The following ITPR2 variants were observed in gnomAD, a reference collection of about 807,000 sequenced individuals.
The protein encoded by ITPR2 is inositol 1,4,5-trisphosphate receptor type 2, also known as inositol 1,4,5-trisphosphate-gated calcium channel ITPR2.
In ITPR2, 207 loss-of-function variants were observed where a neutral mutation model predicts 317.1. The ratio of observed to expected loss-of-function variants is 0.65; its 90% CI spans 0.58 to 0.73. ITPR2 has a LOEUF of 0.73. Among genes scored for constraint, ITPR2 ranks in the 30% least tolerant of loss-of-function variants. The pLI is 0.00. For missense variants in ITPR2, 2,613 were observed against 3,284.0 expected (o/e 0.80, Z 4.99); for synonymous variants, 1,156 against 1,149.1 (o/e 1.01, Z -0.12).
chr12:26,735,198 C>A (rs1949098494), intron 2 of ITPR2, among the ~76,000 whole-genome samples: 1 of 152,088 alleles, frequency 6.6e-6, no homozygotes, highest in Non-Finnish European at 1.5e-5. Flanking sequence ...AACGGGGTTT[C>A]ACCATGTTAG....
chr12:26,411,661 A>G (rs1250779012), intron 51 of ITPR2, among the ~76,000 whole-genome samples: 2 of 152,214 alleles, frequency 1.3e-5, no homozygotes, highest in Non-Finnish European at 2.9e-5. Context: ...TGGTTGAGAT[A>G]AAGTATTAAT....
chr12:26,832,585 G>T, intron 1 of ITPR2, 105 bp downstream of exon 1: 1 of 799,348 alleles, frequency 1.3e-6, no homozygotes, highest in Non-Finnish European at 1.9e-6. Context: ...TGCCCGGCCG[G>T]GCCACCACGC....
chr12:26,797,632 TAG>T (rs1331268086), intron 1 of ITPR2, among the ~76,000 whole-genome samples: 1 of 150,504 alleles, frequency 6.6e-6, no homozygotes, highest in Non-Finnish European at 1.5e-5. Flanking sequence ...AAGCTTTTAC[TAG>T]AGAGGGGGTT....
intron 39 of ITPR2, among the ~76,000 whole-genome samples, chr12:26,490,623 G>A (rs940121950): frequency 1.3e-5 from 2 of 152,098 alleles, no homozygotes; most frequent in African/African-American, 4.8e-5. Context: ...GACCAGCCTG[G>A]CCACAGGATG....
At chr12:26,359,058 T>G (rs1043258452) in intron 55 of ITPR2, among the ~76,000 whole-genome samples, 1 of 152,246 alleles carries the variant, frequency 6.6e-6, no homozygotes, top group Non-Finnish European at 1.5e-5. Flanking sequence ...CTACATCATA[T>G]AGTCATTTGT....
intron 37 of ITPR2, among the ~76,000 whole-genome samples, chr12:26,525,829 A>ACC (rs1246362747): frequency 1.3e-5 from 2 of 152,108 alleles, no homozygotes; most frequent in East Asian, 3.8e-4. Context: ...GCTTAATATG[A>ACC]TACTTCTCCT....
chr12:26,831,978 A>G lies in ITPR2; in HGVS notation c.92+712T>C, dbSNP rs1446864290. Among the ~76,000 whole-genome samples the G allele has an allele frequency of 1.3e-5, 2 of 151,542 alleles. No individual in the cohort carries two copies. Among genetic ancestry groups the G allele is most frequent in the African/African-American group, 4.9e-5 (2 of 41,180 alleles). ...AATCTCAAGAACTCTTCACTTGGCT[A>G]AATTCCAAGAGAGGCTCAGCATTTC... On this transcript the variant is annotated intron_variant, in intron 1 of 56. Coordinates refer to ENST00000381340, the MANE Select transcript of ITPR2 (RefSeq NM_002223.4). The surrounding 1 kb of genome is among the most constrained non-coding windows in gnomAD (Gnocchi z 4.9).
At chr12:26,459,816 T>C (rs765575011) in intron 45 of ITPR2, among the ~76,000 whole-genome samples, 2 of 152,180 alleles carry the variant, frequency 1.3e-5, no homozygotes, top group African/African-American at 2.4e-5. Context: ...CAAGCCTAGC[T>C]CTCCCTTCTG....
At chr12:26,811,244 C>T (rs1200227284) in intron 1 of ITPR2, among the ~76,000 whole-genome samples, 1 of 152,094 alleles carries the variant, frequency 6.6e-6, no homozygotes, top group East Asian at 1.9e-4. Flanking sequence ...AGAAAATACC[C>T]GGATATGAAA....
chr12:26,725,264 C>T (rs1298501775), intron 3 of ITPR2, among the ~76,000 whole-genome samples: 1 of 152,166 alleles, frequency 6.6e-6, no homozygotes, highest in Admixed American at 6.6e-5. Flanking sequence ...ATCGAATTTA[C>T]ACTCAGACAA....
In ITPR2 at chr12:26,437,834, C is replaced by T. The variant is rs147573823; in HGVS notation, c.6643+1293G>A. ...TTTGTTTTATTGAGATGGTGTCTCA[C>T]TCTGTCGCCCAGGCTGGAGTGCAGT... On this transcript the variant is annotated intron_variant, in intron 47 of 56. Coordinates refer to ENST00000381340, the MANE Select transcript of ITPR2 (RefSeq NM_002223.4). Among the ~76,000 whole-genome samples, 428 of 152,272 alleles carry T rather than the reference C, an allele frequency of 2.8e-3. 14 individuals are homozygous for T. The East Asian group carries it at 0.071, about 25-fold the overall frequency.
At chr12:26,506,937 T>C (rs1213314199) in intron 37 of ITPR2, among the ~76,000 whole-genome samples, 1 of 149,460 alleles carries the variant, frequency 6.7e-6, no homozygotes, top group Non-Finnish European at 1.5e-5. Context: ...GAATGTGTCA[T>C]AATTTATAAT....
At position 26,684,448 on chromosome 12, in the gene ITPR2, T is replaced by C. The variant is rs995936977; in HGVS notation, c.1149-1775A>G. ...CTTGAGAACCACTGTTCCAACTCAG[T>C]CTCTAGTTCCTGATCTGTAAGAGTT... On this transcript the variant is annotated intron_variant, in intron 11 of 56. Transcript: ENST00000381340. Among the ~76,000 whole-genome samples, 16 of 152,192 alleles carry C rather than the reference T, an allele frequency of 1.1e-4. No homozygotes were observed. In the East Asian group the frequency reaches 3.1e-3, roughly 29 times the overall value.
At position 26,626,916 on chromosome 12, in the gene ITPR2, T is replaced by A. The variant is rs563155430; in HGVS notation, c.3064+1117A>T. 2.0e-5 allele frequency among the ~76,000 whole-genome samples: 3 copies of A among 152,236 alleles called. No individual in the cohort carries two copies. In the East Asian group the frequency reaches 5.8e-4, roughly 29 times the overall value. On this transcript the variant is annotated intron_variant, in intron 23 of 56. Coordinates refer to ENST00000381340, the MANE Select transcript of ITPR2 (RefSeq NM_002223.4). Reference sequence around the variant, plus strand: ...AGCCGGCTAAATCTTCAATAAGACATACTTTTCAGCCTATAATGACTTGGC... The same window carrying A: ...AGCCGGCTAAATCTTCAATAAGACAAACTTTTCAGCCTATAATGACTTGGC...
intron 37 of ITPR2, among the ~76,000 whole-genome samples, chr12:26,538,252 G>C (rs2136975516): frequency 6.6e-6 from 1 of 152,140 alleles, no homozygotes; most frequent in Middle Eastern, 3.4e-3. Flanking sequence ...ACTAACAACA[G>C]AGTAAACCCC....
intron 1 of ITPR2, among the ~76,000 whole-genome samples, chr12:26,818,282 G>A (rs553165043): frequency 6.6e-6 from 1 of 152,310 alleles, no homozygotes; most frequent in African/African-American, 2.4e-5. Flanking sequence ...TACCCAAACA[G>A]TTCTTCATTC....
intron 34 of ITPR2, among the ~76,000 whole-genome samples, chr12:26,563,310 G>T (rs905476617): frequency 8.5e-5 from 13 of 152,200 alleles, no homozygotes; most frequent in Admixed American, 7.2e-4. Flanking sequence ...GTTGGCTCAC[G>T]CCTGTAATCC....
chr12:26,386,998 T>C (rs1161586303), intron 55 of ITPR2, among the ~76,000 whole-genome samples: 1 of 152,202 alleles, frequency 6.6e-6, no homozygotes, highest in Non-Finnish European at 1.5e-5. Context: ...CTGAACATCA[T>C]ACTATCCCCA....
intron 37 of ITPR2, among the ~76,000 whole-genome samples, chr12:26,519,250 T>C (rs1390811298): frequency 6.6e-6 from 1 of 152,136 alleles, no homozygotes; most frequent in Non-Finnish European, 1.5e-5. Context: ...ATAAATATCA[T>C]TGTGTACAAA....
Sources: allele counts gnomAD v4.1 joint callset (sites outside exome capture counted in the v4.1 genomes callset), GRCh38; gene constraint gnomAD v4.1.1; non-coding constraint Gnocchi (gnomAD v3.1); transcripts MANE v1.5; gene names NCBI Gene and HGNC (gene_info 2026-07-23, HGNC 2026-07-21).